Variants in OAS2 observed in about 807,000 individuals in gnomAD.
OAS2 encodes the protein 2'-5'-oligoadenylate synthase 2.
OAS2 carries 67 observed loss-of-function variants against 71.3 expected under a neutral mutation model. The ratio of observed to expected loss-of-function variants is 0.94; its 90% CI spans 0.77 to 1.15. The LOEUF (loss-of-function observed/expected upper bound fraction) is 1.15. OAS2 is among the 50% of genes most tolerant of loss of function. The probability of loss-of-function intolerance (pLI) is 0.00; values close to 1 mark genes in which losing one functional copy is unlikely to be tolerated. For missense variants in OAS2, 789 were observed against 822.5 expected, an observed-to-expected ratio of 0.96 and a Z score of 0.50; for synonymous variants, 327 against 321.8, an observed-to-expected ratio of 1.02 and a Z score of -0.17.
intron 5 of OAS2, 75 bp from the exon 6 acceptor site, chr12:113,002,857 A>C (rs932131515): frequency 9.4e-6 from 13 of 1,388,398 alleles, no homozygotes; most frequent in Non-Finnish European, 1.3e-5. Context: ...TAGGGGGCCC[A>C]GTACAGGCAG....
intron 2 of OAS2, among the ~76,000 whole-genome samples, chr12:112,991,249 T>C (rs751440605): frequency 6.6e-6 from 1 of 152,256 alleles, no homozygotes; most frequent in Non-Finnish European, 1.5e-5. Flanking sequence ...TGGCTCTCTA[T>C]GTCTGGGTTA....
At chr12:113,004,230 G>A (rs960907531) in intron 6 of OAS2, among the ~76,000 whole-genome samples, 7 of 152,168 alleles carry the variant, frequency 4.6e-5, no homozygotes, top group African/African-American at 7.2e-5. Context: ...ATGAATGAAG[G>A]GGGCTGGAAC....
intron 2 of OAS2, among the ~76,000 whole-genome samples, chr12:112,991,744 T>G (rs1009847382): frequency 6.6e-6 from 1 of 152,198 alleles, no homozygotes; most frequent in African/African-American, 2.4e-5. Context: ...GACTTTTCCC[T>G]TTAACCGAGT....
chr12:113,007,513 AG>A (rs1372572470), intron 8 of OAS2, among the ~76,000 whole-genome samples, 191 bp from the exon 9 acceptor site: 1 of 152,232 alleles, frequency 6.6e-6, no homozygotes, highest in African/African-American at 2.4e-5. Flanking sequence ...TATGGTCAAA[AG>A]CACAACAAAG....
chr12:113,006,701 C>A, intron 8 of OAS2, 101 bp downstream of exon 8: 1 of 1,036,452 alleles, frequency 9.6e-7, no homozygotes, highest in African/African-American at 1.6e-5. Context: ...GAGGGCTGAG[C>A]CACTTTGGAG....
chr12:112,994,052 G>A (rs1047023822), intron 2 of OAS2, among the ~76,000 whole-genome samples: 3 of 151,758 alleles, frequency 2.0e-5, no homozygotes, highest in Admixed American at 2.0e-4. Flanking sequence ...TTTTATCTAA[G>A]TTCCTTCCTC....
chr12:113,006,353 T>G (rs1191056651), intron 7 of OAS2, 60 bp from the exon 8 acceptor site: 1 of 1,347,390 alleles, frequency 7.4e-7, no homozygotes, highest in Non-Finnish European at 1.0e-6. Context: ...CAAAAATGTT[T>G]TGGAATCTGT....
At chr12:112,988,811 T>A in intron 2 of OAS2, 1 of 802,714 alleles carries the variant, frequency 1.2e-6, no homozygotes, top group Non-Finnish European at 1.5e-6. Flanking sequence ...CCATACTCTG[T>A]ACCTGCCTTG....
intron 8 of OAS2, among the ~76,000 whole-genome samples, chr12:113,006,934 G>A (rs538503955): frequency 2.7e-4 from 41 of 152,114 alleles, no homozygotes; most frequent in Non-Finnish European, 5.9e-4. Context: ...TCTGCTTCCC[G>A]GCGCACATGC....
Position 113,006,426 on chromosome 12 carries a change from T to C in OAS2, c.1482T>C (p.Ser494=). 3.8e-6 allele frequency: 6 copies of C among 1,564,854 alleles called. No individual in the cohort carries two copies. Among genetic ancestry groups the C allele is most frequent in the Non-Finnish European group, 5.2e-6 (6 of 1,142,998 alleles). Residue 494 remains serine (S), a synonymous_variant, in exon 8 of 10, where the codon TCT becomes TCC. Coordinates refer to ENST00000392583, the MANE Select transcript of OAS2 (RefSeq NM_002535.3). ...PAFNALGQLS[S]GSTPSPEVYA... ...CCCTCATGCCAGGTCAGCTGAGTTC[T>C]GGCTCCACACCCAGCCCCGAGGTTT...
intron 5 of OAS2, among the ~76,000 whole-genome samples, chr12:113,001,227 T>C (rs998854121): frequency 1.3e-5 from 2 of 151,830 alleles, no homozygotes; most frequent in African/African-American, 2.4e-5. Context: ...GTTGGGAGGC[T>C]GAGGCAGGAC....
At chr12:113,002,877 C>T in intron 5 of OAS2, 55 bp from the exon 6 acceptor site, 2 of 1,553,714 alleles carry the variant, frequency 1.3e-6, no homozygotes, top group Non-Finnish European at 1.8e-6. Context: ...GGAAAAGAAG[C>T]CTTGGGTGGG....
At position 113,006,312 on chromosome 12, in the gene OAS2, C is replaced by G. The variant is rs2240185; in HGVS notation, c.1469-101C>G. 473,446 of 979,668 alleles carry G rather than the reference C, an allele frequency of 0.48. 115,708 individuals are homozygous for G. Among genetic ancestry groups the G allele is most frequent in the African/African-American group, 0.59 (36,417 of 61,374 alleles). 60.7% of individuals were successfully genotyped at this position (979,668 alleles called of 1,614,324 possible). A position where few individuals can be genotyped will look rare whatever the true frequency, so the allele number is the denominator to read the frequency against. On this transcript the variant is annotated intron_variant, in intron 7 of 9. Coordinates refer to ENST00000392583, the MANE Select transcript of OAS2 (RefSeq NM_002535.3). ...CTTTTAAATATGCTAATACTATTCA[C>G]AGTAATTTCCAAGAATTAAATCATA...
intron 2 of OAS2, among the ~76,000 whole-genome samples, chr12:112,993,176 T>C (rs1222278774): frequency 6.6e-6 from 1 of 152,224 alleles, no homozygotes; most frequent in African/African-American, 2.4e-5. Flanking sequence ...GCCTAACTAA[T>C]CTGGCCTATT....
chr12:113,009,725 C>T lies in OAS2; in HGVS notation c.*470C>T, dbSNP rs913052630. ...CAGTGATTTTATTAGAAGTTTCATC[C>T]GCAAATTTTCTTCCATTTCATTGCT... On this transcript the variant is annotated 3_prime_UTR_variant, in exon 10 of 10. Transcript: ENST00000392583. The T allele has an allele frequency of 8.3e-5, 82 of 986,774 alleles. No individual in the cohort carries two copies. The African/African-American group carries it at 1.1e-3, about 14-fold the overall frequency. 61.1% of individuals were successfully genotyped at this position (986,774 alleles called of 1,614,324 possible).
intron 7 of OAS2, 122 bp from the exon 8 acceptor site, chr12:113,006,291 T>A: frequency 1.2e-6 from 1 of 800,508 alleles, no homozygotes. Context: ...ATCAGTCTTT[T>A]AAATATGCTA....
chr12:113,005,318 C>G (rs2044322191), intron 7 of OAS2, 96 bp downstream of exon 7: 1 of 1,235,582 alleles, frequency 8.1e-7, no homozygotes, highest in Non-Finnish European at 1.1e-6. Flanking sequence ...ACATGTGCCA[C>G]TCATGGGTCC....
At chr12:113,002,011 G>A (rs2044294938) in intron 5 of OAS2, among the ~76,000 whole-genome samples, 1 of 152,076 alleles carries the variant, frequency 6.6e-6, no homozygotes, top group Non-Finnish European at 1.5e-5. Context: ...CCCCAGCTTG[G>A]GTGACAGAGC....
At chr12:112,995,967 A>G (rs193142817) in intron 3 of OAS2, among the ~76,000 whole-genome samples, 2 of 151,868 alleles carry the variant, frequency 1.3e-5, no homozygotes, top group Non-Finnish European at 2.9e-5. Context: ...ATACCTGGCT[A>G]ATTTTTGTAT....
Sources: allele counts gnomAD v4.1 joint callset (sites outside exome capture counted in the v4.1 genomes callset), GRCh38; gene constraint gnomAD v4.1.1; transcripts MANE v1.5; gene names NCBI Gene and HGNC (gene_info 2026-07-23, HGNC 2026-07-21).